The following OR51B5 variants were observed in gnomAD, a reference collection of about 807,000 sequenced individuals.
OR51B5 encodes the protein olfactory receptor 51B5.
For synonymous variants in OR51B5, 186 were observed against 144.8 expected (o/e 1.28, Z -2.04); for missense variants, 456 against 374.6 (o/e 1.22, Z -1.79).
At chr11:5,505,432 A>G in intron 1 of OR51B5, 1 of 1,304,056 alleles carries the variant, frequency 7.7e-7, no homozygotes, top group Non-Finnish European at 1.0e-6. Flanking sequence ...GTTTTTCTTT[A>G]ATCTGGACAA....
intron 1 of OR51B5, among the ~76,000 whole-genome samples, chr11:5,496,649 T>C (rs1342168893): frequency 6.6e-6 from 1 of 152,216 alleles, no homozygotes; most frequent in Non-Finnish European, 1.5e-5. Flanking sequence ...GAATTGGCCA[T>C]GTGACTTGGC....
At chr11:5,351,286 A>C (rs146149080) in intron 1 of OR51B5, among the ~76,000 whole-genome samples, 13 of 152,288 alleles carry the variant, frequency 8.5e-5, no homozygotes, top group African/African-American at 3.1e-4. Context: ...AGTATCCAAT[A>C]ATCTTACATA....
intron 1 of OR51B5, among the ~76,000 whole-genome samples, chr11:5,482,736 G>A (rs1851443053): frequency 1.3e-5 from 1 of 78,478 alleles, no homozygotes; most frequent in Admixed American, 1.5e-4. Flanking sequence ...CATTTATGCA[G>A]CCAAAAAACA....
chr11:5,477,380 C>T (rs979737496), intron 1 of OR51B5, among the ~76,000 whole-genome samples: 2 of 152,178 alleles, frequency 1.3e-5, no homozygotes, highest in African/African-American at 4.8e-5. Context: ...TACCGGTCAC[C>T]TTGAGGCTCA....
At chr11:5,361,654 C>T (rs1589953880) in intron 1 of OR51B5, among the ~76,000 whole-genome samples, 1 of 152,084 alleles carries the variant, frequency 6.6e-6, no homozygotes, top group Non-Finnish European at 1.5e-5. Flanking sequence ...CCAAAGACTC[C>T]CTAAAATCTT....
At chr11:5,368,230 T>C (rs1849401428) in intron 1 of OR51B5, among the ~76,000 whole-genome samples, 1 of 152,190 alleles carries the variant, frequency 6.6e-6, no homozygotes, top group African/African-American at 2.4e-5. Flanking sequence ...CTTCATACAG[T>C]CTTATGCAGT....
intron 1 of OR51B5, among the ~76,000 whole-genome samples, chr11:5,490,850 C>G (rs751135503): frequency 4.6e-5 from 7 of 152,194 alleles, no homozygotes; most frequent in Non-Finnish European, 8.8e-5. Context: ...ATTATAATCT[C>G]AGGAACAAAG....
chr11:5,431,272 CAGG>C, intron 1 of OR51B5: 1 of 315,754 alleles, frequency 3.2e-6, no homozygotes, highest in Non-Finnish European at 6.3e-6. Flanking sequence ...TGACTCCATG[CAGG>C]AGAAGGTGTG....
intron 1 of OR51B5, among the ~76,000 whole-genome samples, chr11:5,367,632 A>T (rs371202128): frequency 2.0e-5 from 3 of 152,004 alleles, no homozygotes; most frequent in African/African-American, 7.3e-5. Context: ...GGTCTTTATG[A>T]CCTGTATCTT....
intron 1 of OR51B5, among the ~76,000 whole-genome samples, chr11:5,373,027 C>G (rs760058078): frequency 6.6e-6 from 1 of 152,128 alleles, no homozygotes; most frequent in East Asian, 1.9e-4. Context: ...TACGTATATA[C>G]AGTCCAGTAA....
At chr11:5,397,624 A>G (rs1467090807) in intron 1 of OR51B5, among the ~76,000 whole-genome samples, 1 of 151,758 alleles carries the variant, frequency 6.6e-6, no homozygotes, top group Non-Finnish European at 1.5e-5. Context: ...TAGTTCAAAC[A>G]TTGTGGAAGT....
intron 1 of OR51B5, among the ~76,000 whole-genome samples, chr11:5,397,753 T>G (rs1849900568): frequency 6.6e-6 from 1 of 150,926 alleles, no homozygotes; most frequent in Non-Finnish European, 1.5e-5. Context: ...CATGCACACG[T>G]ATGTTTATTG....
intron 1 of OR51B5, among the ~76,000 whole-genome samples, chr11:5,443,872 C>T (rs939389184): frequency 6.6e-6 from 1 of 152,006 alleles, no homozygotes; most frequent in African/African-American, 2.4e-5. Context: ...AGCACACACA[C>T]ACACACAGTC....
chr11:5,389,656 T>C, intron 1 of OR51B5: 1 of 1,613,654 alleles, frequency 6.2e-7, no homozygotes, highest in Non-Finnish European at 8.5e-7. Context: ...TGGGGCTGTG[T>C]GTGTCCACGT....
chr11:5,467,408 T>C (rs1851153098), intron 1 of OR51B5, among the ~76,000 whole-genome samples: 3 of 152,354 alleles, frequency 2.0e-5, no homozygotes, highest in South Asian at 2.1e-4. Context: ...AGTTATTCCA[T>C]GATCCTATGA....
chr11:5,444,694 T>C lies in OR51B5; in HGVS notation n.84+60875A>G, dbSNP rs553458049. ...GGCATCAGCTCATTCTCCTAAGACT[T>C]ATAAATTTATGAGCCCTCCAGAACA... On this transcript the variant is annotated intron_variant and non_coding_transcript_variant, in intron 1 of 4. Transcript: ENST00000415970. 1.3e-4 allele frequency among the ~76,000 whole-genome samples: 20 copies of C among 152,262 alleles called. No homozygotes were observed. In the South Asian group the frequency reaches 3.9e-3, roughly 30 times the overall value.
intron 1 of OR51B5, among the ~76,000 whole-genome samples, chr11:5,481,650 C>T (rs1478756267): frequency 7.0e-6 from 1 of 143,238 alleles, no homozygotes. Context: ...TGATAAGCAA[C>T]TTCAGCAAAG....
chr11:5,472,388 G>A (rs1173723025), intron 1 of OR51B5, among the ~76,000 whole-genome samples: 3 of 152,166 alleles, frequency 2.0e-5, no homozygotes, highest in African/African-American at 4.8e-5. Context: ...TACCTCCTCA[G>A]GGTAGCTCTG....
At chr11:5,363,271 ACACAC>A (rs1235424616) in intron 1 of OR51B5, among the ~76,000 whole-genome samples, 4 of 65,664 alleles carry the variant, frequency 6.1e-5, no homozygotes, top group African/African-American at 2.4e-4. Flanking sequence ...ACACACACAC[ACACAC>A]ACACACACAC....
Sources: allele counts gnomAD v4.1 joint callset (sites outside exome capture counted in the v4.1 genomes callset), GRCh38; gene constraint gnomAD v4.1.1; transcripts MANE v1.5; gene names NCBI Gene and HGNC (gene_info 2026-07-23, HGNC 2026-07-21).